Variants in OTOF observed in about 807,000 individuals in gnomAD.
The protein encoded by OTOF is fer-1-like family member 2.
OTOF carries 218 observed loss-of-function variants against 236.8 expected under a neutral mutation model. The observed-to-expected ratio is 0.92, with a 90% confidence interval of 0.82 to 1.03. The LOEUF is 1.03. Among genes scored for constraint, OTOF ranks in the 50% least tolerant of loss-of-function variants. The pLI is 0.00. For synonymous variants in OTOF, 1,041 were observed against 1,072.5 expected, an observed-to-expected ratio of 0.97 and a Z score of 0.57; for missense variants, 2,590 against 2,694.4, an observed-to-expected ratio of 0.96 and a Z score of 0.86.
At chr2:26,489,467 C>T (rs1192741444) in intron 10 of OTOF, among the ~76,000 whole-genome samples, 172 bp from the exon 11 acceptor site, 1 of 152,220 alleles carries the variant, frequency 6.6e-6, no homozygotes, top group Non-Finnish European at 1.5e-5. Flanking sequence ...TTGCTGGCCA[C>T]TGTTTACGGG....
At chr2:26,483,724 T>G in intron 12 of OTOF, 76 bp from the exon 13 acceptor site, 1 of 1,346,284 alleles carries the variant, frequency 7.4e-7, no homozygotes, top group South Asian at 1.2e-5. Context: ...TACACACTCC[T>G]GGGTCCTGGC....
At chr2:26,478,848 G>A (rs75891681) in intron 18 of OTOF, among the ~76,000 whole-genome samples, 4 of 152,126 alleles carry the variant, frequency 2.6e-5, no homozygotes, top group African/African-American at 4.8e-5. Flanking sequence ...ACAGGTGCCC[G>A]CCACCAAGCC....
chr2:26,505,475 A>G (rs1461911020), intron 5 of OTOF, among the ~76,000 whole-genome samples: 1 of 152,154 alleles, frequency 6.6e-6, no homozygotes, highest in Non-Finnish European at 1.5e-5. Context: ...AAGAGACTAC[A>G]TAGGGCCAAA....
intron 26 of OTOF, among the ~76,000 whole-genome samples, 190 bp downstream of exon 26, chr2:26,474,323 T>TAACCCCCCAGGCCCC (rs1665146998): frequency 8.0e-5 from 1 of 12,520 alleles, no homozygotes; most frequent in African/African-American, 3.6e-4. Flanking sequence ...GCCCAGGCCC[T>TAACCCCCCAGGCCCC]AACCCCCCAG....
intron 1 of OTOF, among the ~76,000 whole-genome samples, chr2:26,544,174 A>C (rs1667272583): frequency 6.6e-6 from 1 of 152,188 alleles, no homozygotes; most frequent in African/African-American, 2.4e-5. Flanking sequence ...GGTATTTTAG[A>C]TGTGAGTCTC....
Position 26,477,288 on chromosome 2 carries a change from C to G in OTOF, c.2407G>C (p.Glu803Gln). ...ATCCTGGCCTGCTGCCCCATGTTTT[C>G]CTGCGAAGGAGGGGGTGTCAGTGAA... ...ERLKSCMREL[E>Q]NMGQQARMLR... The change falls in exon 21 of 47, where the codon GAA becomes CAA. Residue 803 changes from glutamate to glutamine, a missense_variant and splice_region_variant. Glu to Gln is a conservative substitution (Grantham distance 29). Coordinates refer to ENST00000272371, the MANE Select transcript of OTOF (RefSeq NM_194248.3). The surrounding 1 kb of genome is among the most constrained non-coding windows in gnomAD (Gnocchi z 4.7). The G allele has an allele frequency of 1.9e-6, 3 of 1,609,156 alleles. No individual in the cohort carries two copies. The highest frequency in any genetic ancestry group is 2.5e-6 in the Non-Finnish European group (3 of 1,178,816).
rs558498617 is a variant in OTOF, at chr2:26,470,778, G to A, written c.3895-57C>T. 1.4e-5 allele frequency: 23 copies of A among 1,592,466 alleles called. No individual in the cohort carries two copies. Among genetic ancestry groups the A allele is most frequent in the African/African-American group, 2.7e-5 (2 of 74,524 alleles). On this transcript the variant is annotated intron_variant, in intron 31 of 46. Transcript: ENST00000272371. The surrounding 1 kb of genome is among the most constrained non-coding windows in gnomAD (Gnocchi z 4.3). ...GGACTCCTCCTGCCTGGACAATCCCGAGAGCCTCCACCCATTCCGCCATCT... is the reference window on the plus strand; with the variant it reads ...GGACTCCTCCTGCCTGGACAATCCCAAGAGCCTCCACCCATTCCGCCATCT...
At chr2:26,472,006 A>G (rs1356517782) in intron 30 of OTOF, among the ~76,000 whole-genome samples, 3 of 151,918 alleles carry the variant, frequency 2.0e-5, no homozygotes, top group Non-Finnish European at 4.4e-5. Context: ...TGCACACACC[A>G]CATGCACATA....
At chr2:26,547,716 G>A (rs560517892) in intron 1 of OTOF, among the ~76,000 whole-genome samples, 5 of 152,168 alleles carry the variant, frequency 3.3e-5, no homozygotes, top group Admixed American at 3.3e-4. Context: ...CCTGCGTGTA[G>A]TCTCAGCTGC....
intron 3 of OTOF, among the ~76,000 whole-genome samples, chr2:26,521,495 C>T (rs1165655696): frequency 6.6e-6 from 1 of 152,206 alleles, no homozygotes; most frequent in African/African-American, 2.4e-5. Flanking sequence ...ACCTGAGAGA[C>T]CTTGTCCAGC....
At chr2:26,489,139 G>A in intron 11 of OTOF, 72 bp downstream of exon 11, 2 of 1,099,814 alleles carry the variant, frequency 1.8e-6, no homozygotes, top group Non-Finnish European at 2.7e-6. Flanking sequence ...CTGCCACAGT[G>A]GGAAGGGCCC....
intron 8 of OTOF, among the ~76,000 whole-genome samples, chr2:26,496,693 T>G (rs954493101): frequency 1.9e-4 from 29 of 152,252 alleles, no homozygotes; most frequent in South Asian, 4.1e-4. Flanking sequence ...AGGTGTCAGT[T>G]CCTGTCAGGG....
At position 26,473,003 on chromosome 2, in the gene OTOF, C is replaced by T; in HGVS notation, c.3733+129G>A. 11 of 1,042,640 alleles carry T rather than the reference C, an allele frequency of 1.1e-5. No individual in the cohort carries two copies. The highest frequency in any genetic ancestry group is 1.5e-5 in the Non-Finnish European group (11 of 719,366). The allele number at this position is 1,042,640 out of a possible 1,614,324, so 64.6% of individuals were successfully genotyped here. On this transcript the variant is annotated intron_variant, in intron 29 of 46. Coordinates refer to ENST00000272371, the MANE Select transcript of OTOF (RefSeq NM_194248.3). The surrounding 1 kb of genome is among the most constrained non-coding windows in gnomAD (Gnocchi z 7.2). ...AGCCTTCCTTGGCCACCAGGGTGAC[C>T]TTCTTCTATGCCCACCCCCTCGGCC...
At chr2:26,484,341 C>T in intron 12 of OTOF, 133 bp downstream of exon 12, 1 of 925,570 alleles carries the variant, frequency 1.1e-6, no homozygotes, top group Non-Finnish European at 1.7e-6. Flanking sequence ...AAGAGTGGGG[C>T]TGCTTGGGAG....
At position 26,516,427 on chromosome 2, in the gene OTOF, C is replaced by A; in HGVS notation, c.500G>T (p.Ser167Ile). 1 of 1,613,832 alleles carries A rather than the reference C, an allele frequency of 6.2e-7. No homozygotes were observed. The highest frequency in any genetic ancestry group is 8.5e-7 in the Non-Finnish European group (1 of 1,179,822). ...GGGTCCTGCCTGTTACCTCCGGAAG[C>A]TCTTCTCTCCTGGGGGCCGGGAGCT... ...RPSSRPPGEK[S>I]FRRAGRSVFS... The change falls in exon 5 of 47, where the codon AGC becomes ATC. Residue 167 changes from serine to isoleucine, a missense_variant. Transcript: ENST00000272371.
intron 9 of OTOF, among the ~76,000 whole-genome samples, chr2:26,492,027 A>G (rs2148069117): frequency 1.3e-5 from 2 of 152,380 alleles, no homozygotes; most frequent in Middle Eastern, 3.4e-3. Context: ...AATTAGTCAG[A>G]AATAATACAT....
At chr2:26,514,958 C>A (rs1558509003) in intron 5 of OTOF, among the ~76,000 whole-genome samples, 1 of 152,220 alleles carries the variant, frequency 6.6e-6, no homozygotes, top group Non-Finnish European at 1.5e-5. Flanking sequence ...CTTCACTCCC[C>A]GTCTGAGCAC....
Position 26,460,813 on chromosome 2 carries a change from C to G in OTOF, c.5712+39G>C, listed in dbSNP as rs1664426407. The G allele has an allele frequency of 6.2e-7, 1 of 1,613,886 alleles. No homozygotes were observed. Among genetic ancestry groups the G allele is most frequent in the Admixed American group, 1.7e-5 (1 of 60,002 alleles). Reference sequence around the variant, plus strand: ...TGGGCCCTTGGCACCCCAGCCAGTCCCAGCCCTGCCTACTGCCCGAGCAGG... The same window carrying G: ...TGGGCCCTTGGCACCCCAGCCAGTCGCAGCCCTGCCTACTGCCCGAGCAGG... On this transcript the variant is annotated intron_variant, in intron 44 of 46. Transcript: ENST00000272371. The surrounding 1 kb of genome is among the most constrained non-coding windows in gnomAD (Gnocchi z 5.3).
chr2:26,483,088 C>CAT (rs1491209920), intron 13 of OTOF, among the ~76,000 whole-genome samples: 8 of 136,468 alleles, frequency 5.9e-5, no homozygotes, highest in Non-Finnish European at 7.8e-5. Context: ...TGAATGGGTG[C>CAT]ATGTGTGTGT....
Sources: gnomAD v4.1 joint callset for allele counts (sites outside exome capture counted in the v4.1 genomes callset) on GRCh38, gnomAD v4.1.1 for gene constraint, Gnocchi (gnomAD v3.1) non-coding constraint, MANE v1.5 for transcripts, NCBI Gene and HGNC (gene_info 2026-07-23, HGNC 2026-07-21) for gene names.